The following RBFOX1 variants were observed in gnomAD, a reference collection of about 807,000 sequenced individuals.
RBFOX1 encodes RNA binding protein fox-1 homolog 1.
Under a neutral mutation model 57.7 loss-of-function variants are expected in RBFOX1, and 8 were observed. The observed-to-expected ratio is 0.14, with a 90% CI of 0.08 to 0.25. RBFOX1 has a LOEUF of 0.25. Ranked by LOEUF, RBFOX1 falls within the 10% of genes least tolerant of loss-of-function variation. The probability of loss-of-function intolerance (pLI) is 1.00; values close to 1 mark genes in which losing one functional copy is unlikely to be tolerated. For synonymous variants in RBFOX1, 326 were observed against 222.4 expected (o/e 1.47, Z -4.15); for missense variants, 611 against 548.5 (o/e 1.11, Z -1.14).
At chr16:6,171,040 G>T (rs1400290077) in intron 1 of RBFOX1, among the ~76,000 whole-genome samples, 2 of 152,144 alleles carry the variant, frequency 1.3e-5, no homozygotes, top group Non-Finnish European at 2.9e-5. Flanking sequence ...GAATAGTGCT[G>T]CAGTGAACAT....
At chr16:7,171,360 A>C (rs2080665703) in intron 4 of RBFOX1, among the ~76,000 whole-genome samples, 2 of 152,162 alleles carry the variant, frequency 1.3e-5, no homozygotes, top group Admixed American at 6.5e-5. Flanking sequence ...TTAGCTGAGC[A>C]CTTGACACAT....
At position 6,846,823 on chromosome 16, in the gene RBFOX1, T is replaced by G. The variant is rs151223524; in HGVS notation, c.-16+192173T>G. Among the ~76,000 whole-genome samples the G allele has an allele frequency of 4.5e-3, 690 of 152,060 alleles. 7 individuals are homozygous for G. The highest frequency in any genetic ancestry group is 0.021 in the Middle Eastern group (6 of 292). On this transcript the variant is annotated intron_variant, in intron 3 of 15. Coordinates refer to ENST00000550418, the MANE Select transcript of RBFOX1 (RefSeq NM_018723.4). ...ATTCATTTGTAAGCAGCTGCTTTAATAAGCCTACAGGATCTTGGATGGCAT... is the reference window on the plus strand; with the variant it reads ...ATTCATTTGTAAGCAGCTGCTTTAAGAAGCCTACAGGATCTTGGATGGCAT...
intron 4 of RBFOX1, among the ~76,000 whole-genome samples, chr16:7,437,097 C>G (rs879857577): frequency 2.6e-5 from 4 of 151,982 alleles, no homozygotes; most frequent in East Asian, 1.9e-4. Flanking sequence ...TCTCCTGACA[C>G]CAGAAAGCCA....
intron 14 of RBFOX1, among the ~76,000 whole-genome samples, chr16:7,699,874 G>C (rs2148053724): frequency 6.6e-6 from 1 of 152,214 alleles, no homozygotes; most frequent in East Asian, 1.9e-4. Flanking sequence ...GAAAGAGTTT[G>C]TGTGTCCCCA....
intron 4 of RBFOX1, among the ~76,000 whole-genome samples, chr16:5,871,617 T>C (rs2057473702): frequency 6.6e-6 from 1 of 152,182 alleles, no homozygotes; most frequent in Non-Finnish European, 1.5e-5. Context: ...AATGCGTATG[T>C]CTGAGTCCTC....
chr16:7,002,541 G>A (rs544624362), intron 3 of RBFOX1, among the ~76,000 whole-genome samples: 2 of 152,122 alleles, frequency 1.3e-5, no homozygotes, highest in East Asian at 1.9e-4. Context: ...GTGAAACCCC[G>A]TCTCTACTAA....
At chr16:6,741,334 A>G (rs971529556) in intron 3 of RBFOX1, among the ~76,000 whole-genome samples, 3 of 152,160 alleles carry the variant, frequency 2.0e-5, no homozygotes, top group African/African-American at 7.2e-5. Context: ...CATGCCACCA[A>G]GGGTCTATAA....
chr16:6,501,297 C>G (rs1368949373), intron 2 of RBFOX1, among the ~76,000 whole-genome samples: 1 of 122,400 alleles, frequency 8.2e-6, no homozygotes, highest in Non-Finnish European at 1.7e-5. Context: ...CCCCTCCCCC[C>G]ACCCCACAAC....
intron 4 of RBFOX1, among the ~76,000 whole-genome samples, chr16:7,105,918 T>G (rs1027961889): frequency 6.6e-6 from 1 of 152,088 alleles, no homozygotes; most frequent in Non-Finnish European, 1.5e-5. Context: ...ACGTAGACAA[T>G]AGATGCTAAG....
At chr16:6,454,981 C>T (rs1244913994) in intron 2 of RBFOX1, among the ~76,000 whole-genome samples, 1 of 149,068 alleles carries the variant, frequency 6.7e-6, no homozygotes, top group Non-Finnish European at 1.5e-5. Context: ...CTCCCAGGTT[C>T]ATGCCATTCT....
chr16:5,720,232 A>G (rs2051878423), intron 3 of RBFOX1, among the ~76,000 whole-genome samples: 1 of 152,176 alleles, frequency 6.6e-6, no homozygotes, highest in Non-Finnish European at 1.5e-5. Context: ...TTTTGGAGAC[A>G]TGCCTGTTCA....
intron 5 of RBFOX1, among the ~76,000 whole-genome samples, chr16:7,534,550 T>A (rs2081022042): frequency 6.6e-6 from 1 of 152,158 alleles, no homozygotes; most frequent in South Asian, 2.1e-4. Flanking sequence ...GAAGAGCCCC[T>A]GGAAGCCCGA....
intron 2 of RBFOX1, among the ~76,000 whole-genome samples, chr16:6,477,454 G>A (rs562354722): frequency 6.6e-6 from 1 of 152,276 alleles, no homozygotes; most frequent in East Asian, 1.9e-4. Flanking sequence ...CAGATGTGTT[G>A]TCAATGAGCA....
chr16:6,582,563 G>A (rs1861211), intron 2 of RBFOX1, among the ~76,000 whole-genome samples: 73,053 of 151,374 alleles, frequency 0.48, 18,704 homozygotes, highest in East Asian at 0.67. Context: ...TTAATTCTGG[G>A]CCTCCTCAAT....
intron 3 of RBFOX1, among the ~76,000 whole-genome samples, chr16:6,825,879 G>A (rs1774115470): frequency 6.6e-6 from 1 of 152,186 alleles, no homozygotes; most frequent in South Asian, 2.1e-4. Flanking sequence ...GCCTTCTGAT[G>A]TAGGTGGCAG....
intron 1 of RBFOX1, among the ~76,000 whole-genome samples, chr16:6,178,486 G>T (rs2097032832): frequency 1.3e-5 from 2 of 152,032 alleles, no homozygotes; most frequent in South Asian, 4.2e-4. Flanking sequence ...ACCTGTTTCT[G>T]CCCATATCTG....
At chr16:5,989,326 G>T (rs2060345236) in intron 4 of RBFOX1, among the ~76,000 whole-genome samples, 2 of 152,038 alleles carry the variant, frequency 1.3e-5, no homozygotes, top group East Asian at 1.9e-4. Flanking sequence ...GCAAGACTCT[G>T]TCTGAAAAAA....
intron 1 of RBFOX1, among the ~76,000 whole-genome samples, chr16:6,031,996 C>G (rs903352294): frequency 1.1e-4 from 16 of 152,186 alleles, no homozygotes; most frequent in African/African-American, 3.6e-4. Context: ...GGCTCTGTGT[C>G]ACTTTCAGAG....
intron 3 of RBFOX1, among the ~76,000 whole-genome samples, chr16:5,750,459 C>A (rs1415582166): frequency 2.2e-4 from 34 of 152,208 alleles, no homozygotes. Flanking sequence ...TGCCGTGCCC[C>A]CAGAGGTGGA....
Sources: gnomAD v4.1 joint callset for allele counts (sites outside exome capture counted in the v4.1 genomes callset) on GRCh38, gnomAD v4.1.1 for gene constraint, MANE v1.5 for transcripts, NCBI Gene and HGNC (gene_info 2026-07-23, HGNC 2026-07-21) for gene names.